MXD4: variants seen among roughly 807,000 people sequenced by gnomAD.
The protein encoded by MXD4 is Mad4 homolog.
A neutral mutation model predicts 24.5 loss-of-function variants in MXD4; 16 were observed. The observed-to-expected ratio is 0.65, with a 90% CI of 0.44 to 0.99. MXD4 has a LOEUF of 0.99. Among genes scored for constraint, MXD4 ranks in the 50% least tolerant of loss-of-function variants. The pLI, the probability that MXD4 is intolerant of heterozygous loss-of-function variation, is 0.00. For synonymous variants in MXD4, 164 were observed against 134.2 expected (o/e 1.22, Z -1.54); for missense variants, 301 against 301.5 (o/e 1.00, Z 0.01).
chr4:2,252,480 C>G lies in MXD4; in HGVS notation c.237G>C (p.Leu79=). 1 of 1,612,440 alleles carries G rather than the reference C, an allele frequency of 6.2e-7. No homozygotes were observed. The change falls in exon 4 of 6, where the codon CTG becomes CTC. Residue 79 remains leucine, a synonymous_variant. Transcript: ENST00000337190. ...LRLYLEQLKQ[L]VPLGPDSTRH... is the part of the protein sequence containing the mutation. ...GGGTGCTGTCGGGGCCCAGGGGCAC[C>G]AGTTGCTTGAGCTGCTCAAGGTACA...
At chr4:2,256,906 C>T (rs906484235) in intron 3 of MXD4, among the ~76,000 whole-genome samples, 3 of 152,154 alleles carry the variant, frequency 2.0e-5, no homozygotes, top group Admixed American at 2.0e-4. Context: ...GTGCCTGCCC[C>T]GGCTCCTGGG....
rs565873102 is a variant in MXD4 at position 2,255,015 on chromosome 4, A to T, written c.195-2493T>A. 1,115 of 314,856 alleles carry T rather than the reference A, an allele frequency of 3.5e-3. 4 individuals are homozygous for T. The highest frequency in any genetic ancestry group is 6.2e-3 in the Non-Finnish European group (998 of 160,576). The allele number at this position is 314,856 out of a possible 1,614,324, so 19.5% of individuals were successfully genotyped here. On this transcript the variant is annotated intron_variant, in intron 3 of 5. Transcript: ENST00000337190. ...CAAAGGTCTGCGCTCACCAAGGCAC[A>T]TCGCAGGACTGTCCGGAAGTCCCTG...
intron 4 of MXD4, among the ~76,000 whole-genome samples, chr4:2,251,993 C>T (rs908564148): frequency 6.6e-6 from 1 of 152,124 alleles, no homozygotes; most frequent in Non-Finnish European, 1.5e-5. Context: ...CCTGGCACCC[C>T]CATCAGGCTG....
Position 2,251,208 on chromosome 4 carries a change from C to T in MXD4, c.348G>A (p.Lys116=), listed in dbSNP as rs753190241. 1.9e-6 allele frequency: 3 copies of T among 1,608,606 alleles called. No individual in the cohort carries two copies. Among genetic ancestry groups the T allele is most frequent in the South Asian group, 1.1e-5 (1 of 90,244 alleles). Residue 116 remains lysine (K), a synonymous_variant, in exon 5 of 6, where the codon AAG becomes AAA. Coordinates refer to ENST00000337190, the MANE Select transcript of MXD4 (RefSeq NM_006454.3). ...EEQDRRALSI[K]EQLQQEHRFL... is the part of the protein sequence containing the mutation. ...AACGATGCTCCTGCTGCAGCTGCTCCTTGATGCTCAGTGCCCGGCGGTCCT... is the reference window on the plus strand; with the variant it reads ...AACGATGCTCCTGCTGCAGCTGCTCTTTGATGCTCAGTGCCCGGCGGTCCT...
rs1401111415 is a variant in MXD4, at chr4:2,249,309, G to T, written c.*1235C>A. On this transcript the variant is annotated 3_prime_UTR_variant, in exon 6 of 6. Transcript: ENST00000337190. The stretch of plus-strand genomic sequence containing the variant: ...GGAGGGACAGGTCCCTGAGACGCTG[G>T]GTGGCTCCCACCCCTCAGCAAACAA... 1 of 152,638 alleles carries T rather than the reference G, an allele frequency of 6.6e-6. No individual in the cohort carries two copies. The highest frequency in any genetic ancestry group is 1.5e-5 in the Non-Finnish European group (1 of 68,062). The allele number at this position is 152,638 out of a possible 1,614,324, so 9.5% of individuals were successfully genotyped here.
Position 2,261,731 on chromosome 4 carries a change from T to A in MXD4, c.158A>T (p.Asn53Ile). ...CGGGAGCGGGGGGCGGTACCTGTTG[T>A]TCGGGGCCTTGCGCACCAGGCCGGC... ...KAAGLVRKAP[N>I]NRSSHNELEK... The change falls in exon 2 of 6, where the codon AAC (asparagine) becomes ATC (isoleucine). Residue 53 changes from asparagine to isoleucine, a missense_variant. Physicochemically the swap from Asn to Ile is moderately radical, Grantham distance 149 (BLOSUM62 -3). Coordinates refer to ENST00000337190, the MANE Select transcript of MXD4 (RefSeq NM_006454.3). 7.1e-7 allele frequency: 1 copy of A among 1,401,744 alleles called. No homozygotes were observed. The highest frequency in any genetic ancestry group is 9.4e-7 in the Non-Finnish European group (1 of 1,069,416). 86.8% of individuals were successfully genotyped at this position (1,401,744 alleles called of 1,614,324 possible).
intron 2 of MXD4, chr4:2,258,951 T>A (rs946893151): frequency 2.2e-6 from 1 of 455,944 alleles, no homozygotes; most frequent in Non-Finnish European, 4.4e-6. Context: ...AGCATCTGCC[T>A]GGAGGATAAC....
At chr4:2,254,818 T>A (rs556011408) in intron 3 of MXD4, 1 of 160,756 alleles carries the variant, frequency 6.2e-6, no homozygotes, top group African/African-American at 2.4e-5. Context: ...CAGGCTGACA[T>A]GAGAAGGGAT....
chr4:2,251,038 C>A, intron 5 of MXD4, 46 bp downstream of exon 5: 1 of 1,492,600 alleles, frequency 6.7e-7, no homozygotes. Context: ...TGCACCACTG[C>A]GCACCCGGAG....
intron 3 of MXD4, chr4:2,255,159 G>A (rs779744965): frequency 4.9e-5 from 19 of 387,782 alleles, no homozygotes; most frequent in Non-Finnish European, 7.8e-5. Context: ...ACTTACGTAC[G>A]TGGTGTCGGG....
At position 2,247,448 on chromosome 4, in the gene MXD4, G is replaced by A. The variant is rs1735208669; in HGVS notation, c.*3096C>T. The A allele has an allele frequency of 6.6e-6, 1 of 152,284 alleles. No homozygotes were observed. The highest frequency in any genetic ancestry group is 2.4e-5 in the African/African-American group (1 of 41,462). 9.4% of individuals were successfully genotyped at this position (152,284 alleles called of 1,614,324 possible). ...CCAGCAGGGTGAGATATAAAAATCT[G>A]TATTTATATTACAATGACATAAGGA... On this transcript the variant is annotated 3_prime_UTR_variant, in exon 6 of 6. Coordinates refer to ENST00000337190, the MANE Select transcript of MXD4 (RefSeq NM_006454.3).
chr4:2,255,289 C>A (rs757061394), intron 3 of MXD4: 1 of 455,848 alleles, frequency 2.2e-6, no homozygotes, highest in Non-Finnish European at 4.4e-6. Context: ...GCCTGGGATG[C>A]GGTCTCTGGG....
At position 2,261,824 on chromosome 4, in the gene MXD4, T is replaced by A; in HGVS notation, c.65A>T (p.Glu22Val). Residue 22 changes from glutamate to valine, a missense_variant and splice_region_variant, in exon 2 of 6, where the codon GAG becomes GTG. Physicochemically the swap from Glu to Val is moderately radical, Grantham distance 121. Transcript: ENST00000337190. Reference protein sequence around the residue: ...AAEYLERRDREAEHGYASVLP... With the variant: ...AAEYLERRDRVAEHGYASVLP... ...CACCGAGGCGTAGCCGTGCTCGGCC[T>A]CTGCGGACACACGGCGCGGTCAGCG... is the stretch of plus-strand genomic sequence containing the variant. 2 of 1,378,982 alleles carry A rather than the reference T, an allele frequency of 1.5e-6. No homozygotes were observed. Among genetic ancestry groups the A allele is most frequent in the Non-Finnish European group, 9.4e-7 (1 of 1,062,150 alleles). The allele number at this position is 1,378,982 out of a possible 1,614,324, so 85.4% of individuals were successfully genotyped here. A position where few individuals can be genotyped will look rare whatever the true frequency, so the allele number is the denominator to read the frequency against.
chr4:2,250,447 G>C lies in MXD4; in HGVS notation c.*97C>G, dbSNP rs1052685. On this transcript the variant is annotated 3_prime_UTR_variant, in exon 6 of 6. Coordinates refer to ENST00000337190, the MANE Select transcript of MXD4 (RefSeq NM_006454.3). ...CTGGAGCTTCCAGAATGGCACAGCA[G>C]TGGGCCTGTGGAGAGGCTGGCGTCA... The C allele has an allele frequency of 0.12, 167,026 of 1,376,912 alleles. 13,951 individuals are homozygous for C. Among genetic ancestry groups the C allele is most frequent in the African/African-American group, 0.35 (24,017 of 68,858 alleles). 85.3% of individuals were successfully genotyped at this position (1,376,912 alleles called of 1,614,324 possible).
At chr4:2,255,669 C>A (rs1217739903) in intron 3 of MXD4, among the ~76,000 whole-genome samples, 1 of 152,234 alleles carries the variant, frequency 6.6e-6, no homozygotes, top group Non-Finnish European at 1.5e-5. Context: ...CCTGGGCATC[C>A]AAAGGGCTTT....
intron 3 of MXD4, chr4:2,255,141 C>T (rs1490233730): frequency 2.7e-6 from 1 of 375,730 alleles, no homozygotes; most frequent in Non-Finnish European, 5.4e-6. Context: ...CTGACGCAGG[C>T]GGACAGGACT....
At chr4:2,254,326 T>C (rs1735382108) in intron 3 of MXD4, 1 of 152,146 alleles carries the variant, frequency 6.6e-6, no homozygotes, top group Non-Finnish European at 1.5e-5. Context: ...CGGAACCACA[T>C]AGGTGACAAG....
intron 3 of MXD4, chr4:2,254,651 A>G (rs1287443155): frequency 6.5e-6 from 1 of 152,940 alleles, no homozygotes; most frequent in Non-Finnish European, 1.5e-5. Flanking sequence ...GCTCATACAC[A>G]TCAAAAATTA....
chr4:2,257,998 C>G lies in MXD4; in HGVS notation c.178G>C (p.Glu60Gln), dbSNP rs753764925. 3.7e-6 allele frequency: 6 copies of G among 1,613,704 alleles called. No individual in the cohort carries two copies. The highest frequency in any genetic ancestry group is 5.1e-6 in the Non-Finnish European group (6 of 1,179,944). Residue 60 changes from glutamate (E) to glutamine (Q), a missense_variant, in exon 3 of 6, where the codon GAG becomes CAG. Glu to Gln is a conservative substitution (Grantham distance 29). Coordinates refer to ENST00000337190, the MANE Select transcript of MXD4 (RefSeq NM_006454.3). ...KAPNNRSSHN[E>Q]LEKHRRAKLR... ...GTCACTTACCTGTGCTTTTCTAGCT[C>G]GTTGTGTGAAGACCTGTTTAGAAAG...
Sources: allele counts gnomAD v4.1 joint callset (sites outside exome capture counted in the v4.1 genomes callset), GRCh38; gene constraint gnomAD v4.1.1; transcripts MANE v1.5; gene names NCBI Gene and HGNC (gene_info 2026-07-23, HGNC 2026-07-21).